The following CCDC91 variants were observed in gnomAD, a reference collection of about 807,000 sequenced individuals.
CCDC91 encodes coiled-coil domain containing 91, also known as coiled-coil domain-containing protein 91.
Under a neutral mutation model 63.2 loss-of-function variants are expected in CCDC91, and 48 were observed. That is an observed-to-expected ratio of 0.76 (90% CI 0.60 to 0.97). The LOEUF is 0.97. CCDC91 is among the 50% of genes least tolerant of loss of function. CCDC91 has a pLI of 0.00. For missense variants in CCDC91, 500 were observed against 494.6 expected, an observed-to-expected ratio of 1.01 and a Z score of -0.10; for synonymous variants, 167 against 165.8, an observed-to-expected ratio of 1.01 and a Z score of -0.06.
Position 28,340,115 on chromosome 12 carries a change from G to GA in CCDC91, c.577-22321dup, listed in dbSNP as rs566978374. On this transcript the variant is annotated intron_variant, in intron 6 of 12. Transcript: ENST00000536442. ...ATGTTTATTGATATTTACCATATTAGAATATAAAACTGAGAAATTTAAAAA... is the reference window on the plus strand; with the variant it reads ...ATGTTTATTGATATTTACCATATTAGAAATATAAAACTGAGAAATTTAAAAA... Among the ~76,000 whole-genome samples the GA allele has an allele frequency of 9.1e-4, 139 of 152,122 alleles. 2 individuals carry two copies. The South Asian group carries it at 0.019, about 21-fold the overall frequency.
chr12:28,198,065 A>G (rs1438117859), intron 1 of CCDC91, among the ~76,000 whole-genome samples: 1 of 152,164 alleles, frequency 6.6e-6, no homozygotes, highest in Non-Finnish European at 1.5e-5. Context: ...ACATTTTGGT[A>G]TTTACATTTC....
chr12:28,438,835 G>A (rs1949039996), intron 8 of CCDC91, among the ~76,000 whole-genome samples: 1 of 152,146 alleles, frequency 6.6e-6, no homozygotes, highest in Non-Finnish European at 1.5e-5. Flanking sequence ...AGGAGCATCT[G>A]TACTAAGTTG....
intron 12 of CCDC91, among the ~76,000 whole-genome samples, chr12:28,502,263 T>C (rs1487269698): frequency 2.6e-5 from 4 of 151,834 alleles, no homozygotes; most frequent in Non-Finnish European, 4.4e-5. Flanking sequence ...TGTACAAAAA[T>C]CACAAGCATT....
intron 8 of CCDC91, among the ~76,000 whole-genome samples, chr12:28,396,435 T>C (rs1946290222): frequency 6.6e-6 from 1 of 152,132 alleles, no homozygotes; most frequent in Admixed American, 6.5e-5. Context: ...GGCTAAAGTA[T>C]AAAAATTGAT....
chr12:28,433,276 A>T (rs1316136518), intron 8 of CCDC91, among the ~76,000 whole-genome samples: 2 of 152,026 alleles, frequency 1.3e-5, no homozygotes, highest in African/African-American at 4.8e-5. Flanking sequence ...TTGGTGTTAT[A>T]TTTAAAAGTC....
intron 1 of CCDC91, among the ~76,000 whole-genome samples, chr12:28,250,953 AGTGTGTGTGTGTGTGTGTGTGT>A (rs3064712): frequency 6.9e-6 from 1 of 145,436 alleles, no homozygotes; most frequent in Admixed American, 6.9e-5. Context: ...TTAAGGTTTG[AGTGTGTGTGTGTGTGTGTGTGT>A]GTGTGTGTGT....
intron 6 of CCDC91, among the ~76,000 whole-genome samples, chr12:28,361,086 A>AT (rs1322865798): frequency 6.6e-6 from 1 of 151,588 alleles, no homozygotes; most frequent in East Asian, 1.9e-4. Flanking sequence ...ATATTTATAG[A>AT]TTATATAATG....
At chr12:28,520,759 G>A (rs1213417304) in intron 12 of CCDC91, among the ~76,000 whole-genome samples, 1 of 152,162 alleles carries the variant, frequency 6.6e-6, no homozygotes, top group African/African-American at 2.4e-5. Flanking sequence ...TAAGGTGTAA[G>A]GAAGGGATCC....
At chr12:28,333,000 A>G (rs1482613777) in intron 6 of CCDC91, among the ~76,000 whole-genome samples, 1 of 152,136 alleles carries the variant, frequency 6.6e-6, no homozygotes, top group Non-Finnish European at 1.5e-5. Context: ...AGACCAAGAA[A>G]ATGATACTTG....
At chr12:28,223,580 CT>C (rs1944087667) in intron 1 of CCDC91, among the ~76,000 whole-genome samples, 1 of 152,072 alleles carries the variant, frequency 6.6e-6, no homozygotes, top group African/African-American at 2.4e-5. Context: ...ATATTTCTTC[CT>C]TTCTCTTTTG....
intron 1 of CCDC91, chr12:28,226,321 C>G (rs1353058957): frequency 6.6e-6 from 1 of 152,142 alleles, no homozygotes; most frequent in Non-Finnish European, 1.5e-5. Flanking sequence ...GGTTCATATC[C>G]TTGTAGCTCC....
intron 12 of CCDC91, among the ~76,000 whole-genome samples, chr12:28,535,781 C>T (rs752173217): frequency 3.3e-5 from 5 of 152,110 alleles, no homozygotes; most frequent in East Asian, 1.9e-4. Flanking sequence ...GTAATCCCAG[C>T]ACTTTGGGAG....
chr12:28,359,742 A>AAT (rs1411744831), intron 6 of CCDC91, among the ~76,000 whole-genome samples: 1 of 152,174 alleles, frequency 6.6e-6, no homozygotes, highest in East Asian at 1.9e-4. Flanking sequence ...ACTGCCTATT[A>AAT]TGATCCACTA....
chr12:28,306,860 T>C lies in CCDC91; in HGVS notation c.386T>C (p.Val129Ala), dbSNP rs781569437. 9 of 1,612,220 alleles carry C rather than the reference T, an allele frequency of 5.6e-6. No homozygotes were observed. The East Asian group carries it at 1.3e-4, about 24-fold the overall frequency. Reference protein sequence around the residue: ...VDDSEDPGANVSNIQLQQKIS... With the variant: ...VDDSEDPGANASNIQLQQKIS... ...GATTCTGAGGATCCTGGAGCCAATGTATCTAACATACAGCTTCAGCAAAAA... is the reference window on the plus strand; with the variant it reads ...GATTCTGAGGATCCTGGAGCCAATGCATCTAACATACAGCTTCAGCAAAAA... Residue 129 changes from valine (V) to alanine (A), a missense_variant, in exon 5 of 13, where the codon GTA (valine) becomes GCA (alanine). Coordinates refer to ENST00000536442, the MANE Select transcript of CCDC91 (RefSeq NM_018318.5).
chr12:28,402,041 G>A (rs1190334045), intron 8 of CCDC91, among the ~76,000 whole-genome samples: 1 of 151,924 alleles, frequency 6.6e-6, no homozygotes, highest in Admixed American at 6.6e-5. Context: ...CAGATTTCTG[G>A]ACTCTGAATT....
intron 1 of CCDC91, among the ~76,000 whole-genome samples, chr12:28,223,100 A>G (rs1241264564): frequency 1.3e-5 from 2 of 151,684 alleles, no homozygotes; most frequent in Non-Finnish European, 2.9e-5. Flanking sequence ...TAGAGGGGGA[A>G]AAAACCTAGT....
At chr12:28,491,155 A>G (rs1391907161) in intron 12 of CCDC91, among the ~76,000 whole-genome samples, 31 of 151,698 alleles carry the variant, frequency 2.0e-4, no homozygotes, top group Middle Eastern at 3.4e-3. Flanking sequence ...CTTTGGAGGC[A>G]TCTAGTATAT....
chr12:28,413,760 C>T (rs955263000), intron 8 of CCDC91, among the ~76,000 whole-genome samples: 1 of 152,098 alleles, frequency 6.6e-6, no homozygotes, highest in Non-Finnish European at 1.5e-5. Context: ...CCTTTATGCT[C>T]CCATGAAATA....
chr12:28,247,500 A>G (rs1047338167), intron 1 of CCDC91, among the ~76,000 whole-genome samples: 1 of 151,362 alleles, frequency 6.6e-6, no homozygotes, highest in African/African-American at 2.4e-5. Context: ...AAAAAAAAGA[A>G]TTTTTACTTT....
Sources: allele counts gnomAD v4.1 joint callset (sites outside exome capture counted in the v4.1 genomes callset), GRCh38; gene constraint gnomAD v4.1.1; transcripts MANE v1.5; gene names NCBI Gene and HGNC (gene_info 2026-07-23, HGNC 2026-07-21).